The following CSMD3 variants were observed in gnomAD, a reference collection of about 807,000 sequenced individuals.
CSMD3 encodes CUB and sushi domain-containing protein 3.
In CSMD3, 177 loss-of-function variants were observed where a neutral mutation model predicts 435.2. That is an observed-to-expected ratio of 0.41 (90% confidence interval 0.36 to 0.46). CSMD3 has a LOEUF of 0.46. CSMD3 is among the 20% of genes least tolerant of loss of function. The probability of loss-of-function intolerance (pLI) is 0.34; values close to 1 mark genes in which losing one functional copy is unlikely to be tolerated. For synonymous variants in CSMD3, 1,656 were observed against 1,520.5 expected (o/e 1.09, Z -2.07); for missense variants, 4,265 against 4,504.6 (o/e 0.95, Z 1.52).
intron 5 of CSMD3, among the ~76,000 whole-genome samples, chr8:113,049,350 T>C (rs2087984236): frequency 6.6e-6 from 1 of 151,564 alleles, no homozygotes; most frequent in African/African-American, 2.4e-5. Flanking sequence ...GCCCATATCC[T>C]AGACATTCCT....
At chr8:112,938,153 GAAATAAGTTGCTGC>G (rs1238994128) in intron 9 of CSMD3, among the ~76,000 whole-genome samples, 2 of 152,144 alleles carry the variant, frequency 1.3e-5, no homozygotes, top group Non-Finnish European at 2.9e-5. Flanking sequence ...TATAAGTGCT[GAAATAAGTTGCTGC>G]AACATAAGGA....
At chr8:112,538,809 T>C (rs1269457322) in intron 27 of CSMD3, 2 of 152,092 alleles carry the variant, frequency 1.3e-5, no homozygotes, top group Non-Finnish European at 2.9e-5. Context: ...TCTTCCAAAG[T>C]ACCAATGCCA....
chr8:113,358,447 G>A (rs939619690), intron 1 of CSMD3, among the ~76,000 whole-genome samples: 7 of 152,150 alleles, frequency 4.6e-5, no homozygotes, highest in African/African-American at 1.7e-4. Flanking sequence ...CCACCTCCCA[G>A]GTTCAAGCTA....
At chr8:112,419,255 A>G (rs931463985) in intron 32 of CSMD3, among the ~76,000 whole-genome samples, 1 of 152,194 alleles carries the variant, frequency 6.6e-6, no homozygotes, top group Non-Finnish European at 1.5e-5. Flanking sequence ...ATCTCCATGC[A>G]GAAGCATGGC....
chr8:112,243,305 A>G (rs1814351195), intron 65 of CSMD3, among the ~76,000 whole-genome samples: 2 of 152,196 alleles, frequency 1.3e-5, no homozygotes, highest in African/African-American at 4.8e-5. Context: ...TTCAAGTAAA[A>G]GAAAGTAATT....
At chr8:112,424,457 T>C (rs1422396857) in intron 32 of CSMD3, among the ~76,000 whole-genome samples, 1 of 152,204 alleles carries the variant, frequency 6.6e-6, no homozygotes, top group Non-Finnish European at 1.5e-5. Flanking sequence ...TTCAATGGTT[T>C]ACAAAGCCAT....
intron 10 of CSMD3, among the ~76,000 whole-genome samples, chr8:112,884,043 T>C (rs1236722368): frequency 1.2e-4 from 18 of 151,902 alleles, no homozygotes; most frequent in Admixed American, 1.2e-3. Context: ...GTTAAAATTC[T>C]CACAGATTCC....
chr8:112,656,013 A>G, intron 18 of CSMD3, 141 bp downstream of exon 18: 1 of 594,120 alleles, frequency 1.7e-6, no homozygotes, highest in Non-Finnish European at 3.0e-6. Flanking sequence ...CACACACCTT[A>G]TAAAGCATTA....
intron 3 of CSMD3, among the ~76,000 whole-genome samples, chr8:113,211,012 A>T (rs2092828331): frequency 6.6e-6 from 1 of 152,146 alleles, no homozygotes; most frequent in Non-Finnish European, 1.5e-5. Flanking sequence ...ACCACCTTCC[A>T]GTCTAGCTAT....
intron 32 of CSMD3, among the ~76,000 whole-genome samples, chr8:112,463,503 T>C (rs1221590215): frequency 1.3e-5 from 2 of 152,210 alleles, no homozygotes; most frequent in Admixed American, 1.3e-4. Context: ...CTCTGCTGTC[T>C]GCTGGCAAAC....
intron 40 of CSMD3, among the ~76,000 whole-genome samples, chr8:112,347,450 A>G (rs1041392409): frequency 6.6e-5 from 10 of 152,206 alleles, no homozygotes; most frequent in Non-Finnish European, 1.5e-5. Flanking sequence ...ATCTCAGGTT[A>G]TATATTTTAA....
At chr8:112,267,109 A>T (rs1051354074) in intron 59 of CSMD3, among the ~76,000 whole-genome samples, 1 of 152,106 alleles carries the variant, frequency 6.6e-6, no homozygotes, top group Non-Finnish European at 1.5e-5. Flanking sequence ...GGCATGGAAG[A>T]CCTTAAGAAC....
chr8:112,855,759 T>A (rs1023155047), intron 11 of CSMD3, among the ~76,000 whole-genome samples: 1 of 151,780 alleles, frequency 6.6e-6, no homozygotes, highest in Non-Finnish European at 1.5e-5. Context: ...TCTATGAGTT[T>A]GTTGCTTGGT....
intron 28 of CSMD3, among the ~76,000 whole-genome samples, chr8:112,509,258 C>G (rs1213165942): frequency 6.6e-6 from 1 of 151,874 alleles, no homozygotes; most frequent in Non-Finnish European, 1.5e-5. Flanking sequence ...TGCAGCTAAT[C>G]TTTGTATTTT....
chr8:113,200,191 C>A (rs1288620923), intron 3 of CSMD3, among the ~76,000 whole-genome samples: 2 of 151,732 alleles, frequency 1.3e-5, no homozygotes, highest in African/African-American at 4.8e-5. Flanking sequence ...TTCTGTGACT[C>A]CTCTTATTCT....
chr8:112,870,927 G>T (rs1174754817), intron 10 of CSMD3, among the ~76,000 whole-genome samples: 2 of 152,086 alleles, frequency 1.3e-5, no homozygotes, highest in African/African-American at 4.8e-5. Context: ...TGGAGAAAAG[G>T]AATTGTTTTA....
chr8:113,178,445 T>C (rs1402851193), intron 3 of CSMD3, among the ~76,000 whole-genome samples: 1 of 151,930 alleles, frequency 6.6e-6, no homozygotes, highest in Non-Finnish European at 1.5e-5. Flanking sequence ...TCTGGGGATA[T>C]AGTCTAGCAA....
intron 13 of CSMD3, among the ~76,000 whole-genome samples, chr8:112,741,783 TAGATAGAGAGA>T (rs1446643965): frequency 1.6e-5 from 2 of 126,708 alleles, no homozygotes; most frequent in East Asian, 4.5e-4. Flanking sequence ...GATAGATAGA[TAGATAGAGAGA>T]AGATAGATAG....
At chr8:113,315,472 G>A (rs2093902226) in intron 1 of CSMD3, among the ~76,000 whole-genome samples, 1 of 151,670 alleles carries the variant, frequency 6.6e-6, no homozygotes, top group Non-Finnish European at 1.5e-5. Flanking sequence ...CCCATCTTAA[G>A]AACTTCTGTA....
Sources: gnomAD v4.1 joint callset for allele counts (sites outside exome capture counted in the v4.1 genomes callset) on GRCh38, gnomAD v4.1.1 for gene constraint, MANE v1.5 for transcripts, NCBI Gene and HGNC (gene_info 2026-07-23, HGNC 2026-07-21) for gene names.